The following CTNND2 variants were observed in gnomAD, a reference collection of about 807,000 sequenced individuals.
CTNND2 encodes the protein catenin delta-2.
In CTNND2, 22 loss-of-function variants were observed where a neutral mutation model predicts 144.4. That is an observed-to-expected ratio of 0.15 (90% CI 0.11 to 0.22). The LOEUF (loss-of-function observed/expected upper bound fraction) is 0.22, where lower values mean the gene tolerates loss of function less well. Ranked by LOEUF, CTNND2 falls within the 10% of genes least tolerant of loss-of-function variation. CTNND2 has a pLI of 1.00. For synonymous variants in CTNND2, 751 were observed against 695.6 expected, an observed-to-expected ratio of 1.08 and a Z score of -1.25; for missense variants, 1,353 against 1,618.8, an observed-to-expected ratio of 0.84 and a Z score of 2.82.
chr5:11,064,507 C>T (rs948633258), intron 16 of CTNND2, among the ~76,000 whole-genome samples: 13 of 151,936 alleles, frequency 8.6e-5, no homozygotes, highest in Admixed American at 1.3e-4. Context: ...AGAAGATGTG[C>T]CTTCGAGATA....
At chr5:11,297,985 C>G (rs970307541) in intron 9 of CTNND2, among the ~76,000 whole-genome samples, 6 of 152,134 alleles carry the variant, frequency 3.9e-5, no homozygotes, top group African/African-American at 1.2e-4. Context: ...GTGAGCACAG[C>G]CCTGAAATGT....
chr5:11,714,471 C>T (rs992551054), intron 2 of CTNND2, among the ~76,000 whole-genome samples: 1 of 152,134 alleles, frequency 6.6e-6, no homozygotes, highest in Non-Finnish European at 1.5e-5. Context: ...GAAGCAAGCT[C>T]ACTTAAAAGG....
At chr5:11,527,751 A>G (rs1294610679) in intron 3 of CTNND2, among the ~76,000 whole-genome samples, 3 of 152,172 alleles carry the variant, frequency 2.0e-5, no homozygotes, top group Admixed American at 6.5e-5. Context: ...ATTTTACTGT[A>G]TACTCTTAAC....
chr5:11,686,798 T>C (rs995059628), intron 2 of CTNND2, among the ~76,000 whole-genome samples: 20 of 148,320 alleles, frequency 1.3e-4, no homozygotes, highest in African/African-American at 4.9e-4. Context: ...ATAATACACA[T>C]AATATAAATA....
In CTNND2 at chr5:11,903,057, A is replaced by G. The variant is rs1200734333; in HGVS notation, c.37+760T>C. 2.9e-6 allele frequency: 1 copy of G among 349,568 alleles called. No individual in the cohort carries two copies. Among genetic ancestry groups the G allele is most frequent in the Non-Finnish European group, 4.0e-6 (1 of 248,802 alleles). 21.7% of individuals were successfully genotyped at this position (349,568 alleles called of 1,614,324 possible). A position where few individuals can be genotyped will look rare whatever the true frequency, so the allele number is the denominator to read the frequency against. On this transcript the variant is annotated intron_variant, in intron 1 of 21. Coordinates refer to ENST00000304623, the MANE Select transcript of CTNND2 (RefSeq NM_001332.4). This position sits in a 1 kb window ranked among gnomAD's most constrained non-coding sequence, Gnocchi z 5.4. The stretch of plus-strand genomic sequence containing the variant: ...TCGAAGAAAACACACTACACACCAG[A>G]ATAAGATGAGGGTCGGGAAAAAAAG...
chr5:11,777,009 C>G (rs1432506930), intron 1 of CTNND2, among the ~76,000 whole-genome samples: 1 of 152,132 alleles, frequency 6.6e-6, no homozygotes, highest in Admixed American at 6.6e-5. Context: ...TGGGTGACTA[C>G]TTGTTAAAAA....
chr5:11,575,836 G>T (rs1347337629), intron 2 of CTNND2, among the ~76,000 whole-genome samples: 1 of 151,864 alleles, frequency 6.6e-6, no homozygotes, highest in African/African-American at 2.4e-5. Flanking sequence ...CCTCTCTTAA[G>T]CCACCATTCT....
intron 9 of CTNND2, among the ~76,000 whole-genome samples, chr5:11,270,399 T>A (rs927969449): frequency 6.6e-6 from 1 of 151,922 alleles, no homozygotes; most frequent in Non-Finnish European, 1.5e-5. Context: ...ACATAACAAC[T>A]ATGTAACTTG....
intron 1 of CTNND2, among the ~76,000 whole-genome samples, chr5:11,733,236 T>C (rs992159996): frequency 6.6e-6 from 1 of 152,116 alleles, no homozygotes; most frequent in East Asian, 1.9e-4. Context: ...GGACTTGCAA[T>C]TGGTATCTGG....
intron 12 of CTNND2, among the ~76,000 whole-genome samples, chr5:11,125,382 C>G (rs1014148318): frequency 1.5e-4 from 23 of 152,240 alleles, no homozygotes; most frequent in African/African-American, 5.3e-4. Flanking sequence ...AAAATGTTCA[C>G]AAAAGTGGCT....
At chr5:11,402,527 G>T (rs1760725898) in intron 5 of CTNND2, among the ~76,000 whole-genome samples, 1 of 152,134 alleles carries the variant, frequency 6.6e-6, no homozygotes, top group African/African-American at 2.4e-5. Flanking sequence ...CACCTTTATG[G>T]GTTCCAGAAG....
intron 3 of CTNND2, among the ~76,000 whole-genome samples, chr5:11,451,650 G>A (rs1765326666): frequency 6.6e-6 from 1 of 151,954 alleles, no homozygotes; most frequent in Non-Finnish European, 1.5e-5. Context: ...TACTCAACCT[G>A]GATTACAATA....
intron 6 of CTNND2, among the ~76,000 whole-genome samples, chr5:11,387,418 C>A (rs1023740136): frequency 6.6e-6 from 1 of 151,988 alleles, no homozygotes; most frequent in Admixed American, 6.6e-5. Flanking sequence ...TTGGAGGGTG[C>A]GGAGTGGGCC....
chr5:11,312,167 C>T (rs1301177670), intron 9 of CTNND2, among the ~76,000 whole-genome samples: 4 of 143,818 alleles, frequency 2.8e-5, no homozygotes, highest in African/African-American at 1.0e-4. Context: ...TCCCCATACA[C>T]CGTCATCCCC....
intron 8 of CTNND2, among the ~76,000 whole-genome samples, chr5:11,360,332 G>C (rs1202897879): frequency 6.6e-6 from 1 of 151,980 alleles, no homozygotes; most frequent in African/African-American, 2.4e-5. Context: ...TTTTTTTCTG[G>C]TCTTCTCTGT....
chr5:11,311,788 CA>C (rs1750907818), intron 9 of CTNND2, among the ~76,000 whole-genome samples: 3 of 145,384 alleles, frequency 2.1e-5, no homozygotes, highest in African/African-American at 2.6e-5. Flanking sequence ...CTCACACACA[CA>C]CACACACACA....
At chr5:11,884,188 C>T (rs965787104) in intron 1 of CTNND2, among the ~76,000 whole-genome samples, 1 of 152,038 alleles carries the variant, frequency 6.6e-6, no homozygotes, top group Non-Finnish European at 1.5e-5. Context: ...TAATTAGATC[C>T]CATTTGTCAA....
intron 1 of CTNND2, among the ~76,000 whole-genome samples, chr5:11,800,689 A>G (rs1452761517): frequency 6.6e-6 from 1 of 152,210 alleles, no homozygotes; most frequent in Non-Finnish European, 1.5e-5. Flanking sequence ...GATAAACATA[A>G]AGTCAATTGA....
At chr5:10,977,880 T>A (rs1329729485) in intron 21 of CTNND2, among the ~76,000 whole-genome samples, 1 of 152,252 alleles carries the variant, frequency 6.6e-6, no homozygotes, top group Non-Finnish European at 1.5e-5. Context: ...ACTGAAAATG[T>A]GCCTGAGTCC....
Sources: gnomAD v4.1 joint callset for allele counts (sites outside exome capture counted in the v4.1 genomes callset) on GRCh38, gnomAD v4.1.1 for gene constraint, Gnocchi (gnomAD v3.1) non-coding constraint, MANE v1.5 for transcripts, NCBI Gene and HGNC (gene_info 2026-07-23, HGNC 2026-07-21) for gene names.